The following EBF1 variants were observed in gnomAD, a reference collection of about 807,000 sequenced individuals.
EBF1 encodes the protein transcription factor COE1.
EBF1 carries 10 observed loss-of-function variants against 68.4 expected under a neutral mutation model. The ratio of observed to expected loss-of-function variants is 0.15; its 90% CI spans 0.09 to 0.25. The LOEUF (loss-of-function observed/expected upper bound fraction) is 0.25, where lower values mean the gene tolerates loss of function less well. Ranked by LOEUF, EBF1 falls within the 10% of genes least tolerant of loss-of-function variation. The probability of loss-of-function intolerance (pLI) is 1.00; values close to 1 mark genes in which losing one functional copy is unlikely to be tolerated. For synonymous variants in EBF1, 298 were observed against 299.8 expected (o/e 0.99, Z 0.06); for missense variants, 509 against 794.4 (o/e 0.64, Z 4.32).
chr5:158,953,720 TA>T (rs1203451367), intron 6 of EBF1, among the ~76,000 whole-genome samples: 1 of 152,110 alleles, frequency 6.6e-6, no homozygotes, highest in Non-Finnish European at 1.5e-5. Context: ...GAGAGATTTG[TA>T]AGGGTAGAGA....
intron 11 of EBF1, among the ~76,000 whole-genome samples, chr5:158,725,219 T>C (rs995147406): frequency 6.6e-6 from 1 of 152,196 alleles, no homozygotes; most frequent in Non-Finnish European, 1.5e-5. Flanking sequence ...CAGAGTAGCA[T>C]GTCTGCCAGA....
chr5:158,929,685 A>G (rs1338930140), intron 6 of EBF1, among the ~76,000 whole-genome samples: 1 of 152,098 alleles, frequency 6.6e-6, no homozygotes, highest in African/African-American at 2.4e-5. Flanking sequence ...ATTATCACCA[A>G]CCTAATGCTT....
At chr5:158,719,126 T>C (rs1761392202) in intron 11 of EBF1, among the ~76,000 whole-genome samples, 1 of 152,226 alleles carries the variant, frequency 6.6e-6, no homozygotes, top group African/African-American at 2.4e-5. Flanking sequence ...TGGTGTTCCA[T>C]TTAGCTACAG....
At chr5:158,900,403 G>A (rs1183586187) in intron 6 of EBF1, among the ~76,000 whole-genome samples, 1 of 152,212 alleles carries the variant, frequency 6.6e-6, no homozygotes, top group African/African-American at 2.4e-5. Flanking sequence ...ACTAAAGGTA[G>A]CTCAGAAGAG....
intron 10 of EBF1, among the ~76,000 whole-genome samples, chr5:158,769,409 A>C (rs1561872319): frequency 6.6e-6 from 1 of 152,114 alleles, no homozygotes; most frequent in Non-Finnish European, 1.5e-5. Flanking sequence ...TATCCCTTTT[A>C]ATGATCCTGT....
chr5:158,909,375 C>T (rs922345202), intron 6 of EBF1, among the ~76,000 whole-genome samples: 14 of 151,934 alleles, frequency 9.2e-5, no homozygotes, highest in Admixed American at 8.5e-4. Context: ...GAAACAAATG[C>T]CAAACAATAA....
intron 6 of EBF1, among the ~76,000 whole-genome samples, chr5:158,939,629 T>C (rs936402696): frequency 5.9e-5 from 9 of 152,190 alleles, no homozygotes; most frequent in African/African-American, 2.2e-4. Flanking sequence ...TGCTCTGTGG[T>C]ATGATTTGGT....
chr5:158,802,904 C>CTA (rs1360896059), intron 8 of EBF1, among the ~76,000 whole-genome samples: 1 of 152,114 alleles, frequency 6.6e-6, no homozygotes, highest in East Asian at 1.9e-4. Flanking sequence ...CGAGAATACC[C>CTA]TATACTCTCA....
intron 6 of EBF1, among the ~76,000 whole-genome samples, chr5:159,009,385 G>C (rs972575706): frequency 6.6e-6 from 1 of 152,116 alleles, no homozygotes; most frequent in Admixed American, 6.6e-5. Context: ...TGATTGTGTG[G>C]AACTTGACAA....
intron 6 of EBF1, among the ~76,000 whole-genome samples, chr5:158,929,153 G>A (rs1445661549): frequency 2.0e-5 from 3 of 152,102 alleles, no homozygotes; most frequent in Non-Finnish European, 2.9e-5. Context: ...ATCAGTGTGT[G>A]GCAGAAAAAT....
At chr5:158,923,232 A>G (rs1808829360) in intron 6 of EBF1, among the ~76,000 whole-genome samples, 1 of 152,156 alleles carries the variant, frequency 6.6e-6, no homozygotes. Flanking sequence ...ATGGGGGTAA[A>G]ATTTTTTTAA....
At chr5:158,947,201 T>C (rs142182759) in intron 6 of EBF1, among the ~76,000 whole-genome samples, 1,886 of 152,110 alleles carry the variant, frequency 0.012, 141 homozygotes, top group Admixed American at 0.11. Context: ...TGAGCGGTTC[T>C]GTCTCACTGG....
intron 6 of EBF1, among the ~76,000 whole-genome samples, chr5:158,966,392 A>G (rs1365568860): frequency 6.6e-6 from 1 of 152,190 alleles, no homozygotes; most frequent in East Asian, 1.9e-4. Flanking sequence ...ACTTTTTCAC[A>G]TAGGGTTATA....
At chr5:159,058,798 C>A (rs184807898) in intron 6 of EBF1, among the ~76,000 whole-genome samples, 1 of 152,168 alleles carries the variant, frequency 6.6e-6, no homozygotes, top group Admixed American at 6.5e-5. Context: ...TGCTTGAATT[C>A]GTAATTCATA....
intron 13 of EBF1, 121 bp from the exon 14 acceptor site, chr5:158,712,454 T>A (rs1048545717): frequency 8.9e-7 from 1 of 1,120,288 alleles, no homozygotes; most frequent in Admixed American, 2.2e-5. Context: ...AGGGAAGGGA[T>A]TGGGTGATTC....
At chr5:159,097,898 A>G (rs1254414606) in intron 1 of EBF1, among the ~76,000 whole-genome samples, 2 of 152,134 alleles carry the variant, frequency 1.3e-5, no homozygotes, top group Non-Finnish European at 2.9e-5. Context: ...GCGGCCACTG[A>G]CAGCCGGACC....
intron 11 of EBF1, among the ~76,000 whole-genome samples, chr5:158,723,541 T>G (rs994917825): frequency 3.9e-4 from 59 of 152,148 alleles, no homozygotes; most frequent in African/African-American, 1.3e-3. Flanking sequence ...TCTGGCAAAA[T>G]ATATGCATTC....
At chr5:158,892,167 C>T (rs934115831) in intron 6 of EBF1, among the ~76,000 whole-genome samples, 4 of 152,032 alleles carry the variant, frequency 2.6e-5, no homozygotes, top group African/African-American at 7.2e-5. Flanking sequence ...ACTCTTCCAC[C>T]GTTATATACA....
At chr5:159,099,029 A>T (rs531359231) in intron 1 of EBF1, among the ~76,000 whole-genome samples, 1 of 152,322 alleles carries the variant, frequency 6.6e-6, no homozygotes, top group East Asian at 1.9e-4. Context: ...TAAAAACATA[A>T]AACACAGATC....
Sources: gnomAD v4.1 joint callset for allele counts (sites outside exome capture counted in the v4.1 genomes callset) on GRCh38, gnomAD v4.1.1 for gene constraint, MANE v1.5 for transcripts, NCBI Gene and HGNC (gene_info 2026-07-23, HGNC 2026-07-21) for gene names.